Variants in ROBO2 observed in about 807,000 individuals in gnomAD.
ROBO2 encodes the protein roundabout homolog 2.
A neutral mutation model predicts 160.8 loss-of-function variants in ROBO2; 53 were observed. The observed-to-expected ratio is 0.33, with a 90% confidence interval of 0.26 to 0.41. The LOEUF (loss-of-function observed/expected upper bound fraction) is 0.41, where lower values mean the gene tolerates loss of function less well. Ranked by LOEUF, ROBO2 falls within the 10% of genes least tolerant of loss-of-function variation. The probability of loss-of-function intolerance (pLI) is 1.00; values close to 1 mark genes in which losing one functional copy is unlikely to be tolerated. For missense variants in ROBO2, 1,577 were observed against 1,722.4 expected, an observed-to-expected ratio of 0.92 and a Z score of 1.49; for synonymous variants, 664 against 611.7, an observed-to-expected ratio of 1.09 and a Z score of -1.26.
At chr3:77,045,562 AAGAC>A (rs2149651866) in intron 1 of ROBO2, among the ~76,000 whole-genome samples, 1 of 152,272 alleles carries the variant, frequency 6.6e-6, no homozygotes, top group South Asian at 2.1e-4. Context: ...ACTCAAGCCT[AAGAC>A]AGAATCTTCT....
At chr3:76,745,793 A>T (rs2093876035) in intron 2 of ROBO2, among the ~76,000 whole-genome samples, 1 of 100,648 alleles carries the variant, frequency 9.9e-6, no homozygotes, top group Non-Finnish European at 2.0e-5. Flanking sequence ...TTTTTAAAAA[A>T]TTTATTTTTA....
At chr3:76,812,363 A>T (rs1170406341) in intron 2 of ROBO2, among the ~76,000 whole-genome samples, 2 of 150,166 alleles carry the variant, frequency 1.3e-5, no homozygotes, top group Non-Finnish European at 3.0e-5. Flanking sequence ...AAAAAAAAAA[A>T]CGTGTTTGAA....
At chr3:77,017,983 A>G (rs2062386590) in intron 2 of ROBO2, among the ~76,000 whole-genome samples, 1 of 152,206 alleles carries the variant, frequency 6.6e-6, no homozygotes, top group African/African-American at 2.4e-5. Flanking sequence ...TAAATTGGGT[A>G]ATAGAATGTG....
intron 2 of ROBO2, among the ~76,000 whole-genome samples, chr3:76,718,814 T>TA (rs1271802836): frequency 1.3e-5 from 2 of 152,244 alleles, no homozygotes; most frequent in African/African-American, 4.8e-5. Flanking sequence ...TTAAGGACTT[T>TA]ATTCACTTGA....
chr3:77,219,426 A>ATG lies in ROBO2; in HGVS notation c.388+121094_388+121095dup, dbSNP rs201692984. On this transcript the variant is annotated intron_variant, in intron 2 of 25. Coordinates refer to ENST00000461745, the Ensembl canonical transcript of ROBO2. ...TGAGAGAATCATCTTGACTGTGTGT[A>ATG]TGTGTGTGTATATATATATATATAT... Among the ~76,000 whole-genome samples the ATG allele has an allele frequency of 9.3e-3, 911 of 98,470 alleles. 18 individuals are homozygous for ATG. The highest frequency in any genetic ancestry group is 0.04 in the Admixed American group (334 of 8,340). The allele number at this position is 98,470 out of a possible 152,430, so 64.6% of individuals were successfully genotyped here.
At chr3:77,258,185 G>A (rs886103224) in intron 2 of ROBO2, among the ~76,000 whole-genome samples, 4 of 152,188 alleles carry the variant, frequency 2.6e-5, no homozygotes, top group Admixed American at 6.5e-5. Context: ...TTTGAAAGGC[G>A]CATGTAGTTC....
intron 2 of ROBO2, among the ~76,000 whole-genome samples, chr3:76,969,005 A>G (rs548965264): frequency 2.5e-4 from 38 of 152,238 alleles, no homozygotes; most frequent in African/African-American, 8.7e-4. Context: ...TTATGTTTCC[A>G]TCTAGGTAAT....
intron 2 of ROBO2, among the ~76,000 whole-genome samples, chr3:76,582,814 T>G (rs1399821305): frequency 6.6e-6 from 1 of 152,108 alleles, no homozygotes; most frequent in Non-Finnish European, 1.5e-5. Flanking sequence ...TTAAGCCACT[T>G]CAGATAACAC....
chr3:76,612,865 A>T (rs1281456377), intron 2 of ROBO2, among the ~76,000 whole-genome samples: 3 of 151,964 alleles, frequency 2.0e-5, no homozygotes, highest in African/African-American at 7.3e-5. Context: ...TTTGTTTTGA[A>T]GTCTATTTTT....
At chr3:76,354,431 T>C (rs2075044157) in intron 2 of ROBO2, among the ~76,000 whole-genome samples, 1 of 151,906 alleles carries the variant, frequency 6.6e-6, no homozygotes, top group African/African-American at 2.4e-5. Flanking sequence ...GTGCTTTTGA[T>C]TGATTAGGAC....
intron 2 of ROBO2, among the ~76,000 whole-genome samples, chr3:76,066,261 C>A (rs934309121): frequency 6.6e-6 from 1 of 152,024 alleles, no homozygotes; most frequent in Non-Finnish European, 1.5e-5. Context: ...TGAAATTATT[C>A]TTTGTAAGCT....
At chr3:76,604,424 A>C (rs562193419) in intron 2 of ROBO2, among the ~76,000 whole-genome samples, 2 of 152,172 alleles carry the variant, frequency 1.3e-5, no homozygotes, top group Non-Finnish European at 2.9e-5. Context: ...TTTGGATATC[A>C]GTTCTTCTCA....
At position 76,917,658 on chromosome 3, in the gene ROBO2, A is replaced by AG. The variant is rs1341875914; in HGVS notation, c.110-180353dup. ...TCAAATATGGCAAAAAATGGTTTGT[A>AG]GGGCCTTCTCATTGAGGGAAAATAA... is the stretch of plus-strand genomic sequence containing the variant. On this transcript the variant is annotated intron_variant, in intron 2 of 26. Coordinates refer to the ROBO2 transcript ENST00000487694. Among the ~76,000 whole-genome samples, 4 of 152,268 alleles carry AG rather than the reference A, an allele frequency of 2.6e-5. No homozygotes were observed. In the East Asian group the frequency reaches 7.7e-4, roughly 29 times the overall value.
intron 17 of ROBO2, among the ~76,000 whole-genome samples, chr3:77,593,993 G>A (rs1012826913): frequency 6.6e-5 from 10 of 151,840 alleles, no homozygotes; most frequent in African/African-American, 1.7e-4. Flanking sequence ...CCTTCATCCC[G>A]GTGATTGGTT....
chr3:77,154,433 C>A (rs2077805896), intron 2 of ROBO2, among the ~76,000 whole-genome samples: 1 of 151,864 alleles, frequency 6.6e-6, no homozygotes, highest in Non-Finnish European at 1.5e-5. Context: ...AATTAGTTCA[C>A]CACTATGGAA....
chr3:77,101,071 G>A (rs916400149), intron 2 of ROBO2, among the ~76,000 whole-genome samples: 1 of 152,180 alleles, frequency 6.6e-6, no homozygotes, highest in Non-Finnish European at 1.5e-5. Flanking sequence ...TTTGTTATGA[G>A]AAAAGAGAAT....
intron 2 of ROBO2, among the ~76,000 whole-genome samples, chr3:76,865,022 T>C (rs2071217255): frequency 1.3e-5 from 2 of 152,092 alleles, no homozygotes; most frequent in Non-Finnish European, 2.9e-5. Context: ...AATCAGAATT[T>C]AAATTATTGA....
intron 2 of ROBO2, among the ~76,000 whole-genome samples, chr3:77,025,104 G>A (rs2062882916): frequency 6.6e-6 from 1 of 151,966 alleles, no homozygotes; most frequent in Admixed American, 6.6e-5. Flanking sequence ...AATATGTGGT[G>A]GTGAGGTCTA....
chr3:77,398,756 A>AT (rs374076298), intron 2 of ROBO2, among the ~76,000 whole-genome samples: 38 of 150,674 alleles, frequency 2.5e-4, no homozygotes, highest in Middle Eastern at 3.4e-3. Context: ...TAATTTTTGT[A>AT]TTTTTTTTGG....
Sources: allele counts gnomAD v4.1 joint callset (sites outside exome capture counted in the v4.1 genomes callset), GRCh38; gene constraint gnomAD v4.1.1; transcripts MANE v1.5; gene names NCBI Gene and HGNC (gene_info 2026-07-23, HGNC 2026-07-21).